The following ATP10B variants were observed in gnomAD, a reference collection of about 807,000 sequenced individuals.
The protein encoded by ATP10B is ATPase phospholipid transporting 10B (putative).
A neutral mutation model predicts 141.2 loss-of-function variants in ATP10B; 122 were observed. The observed-to-expected ratio is 0.86, with a 90% CI of 0.75 to 1.00. ATP10B has a LOEUF of 1.00. Among genes scored for constraint, ATP10B ranks in the 50% least tolerant of loss-of-function variants. The pLI, the probability that ATP10B is intolerant of heterozygous loss-of-function variation, is 0.00. For missense variants in ATP10B, 1,876 were observed against 1,825.3 expected, an observed-to-expected ratio of 1.03 and a Z score of -0.51; for synonymous variants, 685 against 692.0, an observed-to-expected ratio of 0.99 and a Z score of 0.16.
At chr5:160,647,962 G>C (rs1050097120) in intron 8 of ATP10B, among the ~76,000 whole-genome samples, 1 of 152,160 alleles carries the variant, frequency 6.6e-6, no homozygotes, top group Non-Finnish European at 1.5e-5. Context: ...GCATTTCAGG[G>C]AGCTGCAGGC....
intron 3 of ATP10B, among the ~76,000 whole-genome samples, chr5:160,692,393 C>A (rs972289371): frequency 2.0e-5 from 3 of 152,104 alleles, no homozygotes; most frequent in Admixed American, 6.6e-5. Context: ...TTGAAGCTGT[C>A]CTCACAGGGC....
At chr5:160,785,487 T>C in intron 2 of ATP10B, 72 bp downstream of exon 2, 1 of 404,702 alleles carries the variant, frequency 2.5e-6, no homozygotes, top group South Asian at 1.9e-5. Context: ...CAAGTTTATT[T>C]CATGGGTATA....
At chr5:160,814,911 A>C (rs1215442073) in intron 1 of ATP10B, among the ~76,000 whole-genome samples, 2 of 152,168 alleles carry the variant, frequency 1.3e-5, no homozygotes, top group Non-Finnish European at 2.9e-5. Context: ...GGAGAAATAA[A>C]ATCCTTTACA....
chr5:160,719,718 T>C (rs765225646), intron 2 of ATP10B, among the ~76,000 whole-genome samples: 2 of 152,206 alleles, frequency 1.3e-5, no homozygotes, highest in African/African-American at 4.8e-5. Context: ...AATATGGCCA[T>C]TATTTCGTCC....
At chr5:160,878,070 G>T in the ATP10B span, among the ~76,000 whole-genome samples, 1 of 151,438 alleles carries the variant, frequency 6.6e-6, no homozygotes, top group Admixed American at 6.6e-5. Context: ...AGCCCACATT[G>T]CCAAGTCAAT....
intron 1 of ATP10B, among the ~76,000 whole-genome samples, chr5:160,835,789 T>A (rs1219537724): frequency 6.6e-6 from 1 of 152,286 alleles, no homozygotes; most frequent in Admixed American, 6.5e-5. Flanking sequence ...GTTAGAAATA[T>A]ACAAAAACAG....
chr5:160,721,717 G>A (rs537200685), intron 2 of ATP10B, among the ~76,000 whole-genome samples: 2 of 152,146 alleles, frequency 1.3e-5, no homozygotes, highest in African/African-American at 4.8e-5. Flanking sequence ...CAGAACAGAT[G>A]GCTAAAAAGA....
chr5:160,812,592 G>C (rs1335341042), intron 1 of ATP10B, among the ~76,000 whole-genome samples: 1 of 152,116 alleles, frequency 6.6e-6, no homozygotes, highest in Admixed American at 6.5e-5. Flanking sequence ...TTCTGGAGTT[G>C]AAAAATGCAA....
At chr5:160,692,597 C>CT (rs1278028178) in intron 3 of ATP10B, 2 of 152,154 alleles carry the variant, frequency 1.3e-5, no homozygotes, top group African/African-American at 4.8e-5. Flanking sequence ...AATCATAAAG[C>CT]TTTTGTTTAA....
chr5:160,640,701 C>A, intron 9 of ATP10B, 109 bp from the exon 10 acceptor site: 1 of 1,428,858 alleles, frequency 7.0e-7, no homozygotes. Context: ...AGGCTTCACT[C>A]TTTAACCTGA....
chr5:160,787,652 G>T (rs1771269491), intron 1 of ATP10B, among the ~76,000 whole-genome samples: 1 of 152,156 alleles, frequency 6.6e-6, no homozygotes, highest in African/African-American at 2.4e-5. Context: ...TGAAAGTAAA[G>T]CTTCCGTGTC....
chr5:160,896,012 C>T, the ATP10B span, among the ~76,000 whole-genome samples: 1 of 151,954 alleles, frequency 6.6e-6, no homozygotes, highest in Non-Finnish European at 1.5e-5. Context: ...AACAAAGACA[C>T]TACATACTGG....
chr5:160,862,148 G>T, the ATP10B span, among the ~76,000 whole-genome samples: 1 of 151,912 alleles, frequency 6.6e-6, no homozygotes, highest in Admixed American at 6.6e-5. Context: ...ACTTAGCTAG[G>T]CTACAGTCAT....
intron 2 of ATP10B, among the ~76,000 whole-genome samples, chr5:160,777,485 T>C (rs918779343): frequency 6.6e-6 from 1 of 152,208 alleles, no homozygotes. Flanking sequence ...TCTCTAGTCT[T>C]CCAGCAAAGT....
At chr5:160,750,982 C>T (rs2127822654) in intron 2 of ATP10B, among the ~76,000 whole-genome samples, 1 of 152,342 alleles carries the variant, frequency 6.6e-6, no homozygotes, top group East Asian at 1.9e-4. Context: ...AATCTGCCTT[C>T]CACCCATCCC....
Position 160,726,890 on chromosome 5 carries a change from A to G in ATP10B, c.-330-9856T>C, listed in dbSNP as rs528194303. ...TTTGGAAAGACTTATCAGAAACTCA[A>G]AAGAGTGCAACCATTTGTCTCTCAC... On this transcript the variant is annotated intron_variant, in intron 2 of 25. Transcript: ENST00000327245. Among the ~76,000 whole-genome samples the G allele has an allele frequency of 1.4e-4, 22 of 152,106 alleles. No individual in the cohort carries two copies. The South Asian group carries it at 4.0e-3, about 27-fold the overall frequency.
chr5:160,592,339 G>A (rs1756365700), intron 22 of ATP10B, among the ~76,000 whole-genome samples: 1 of 152,154 alleles, frequency 6.6e-6, no homozygotes, highest in Admixed American at 6.5e-5. Context: ...GGAGGGGATG[G>A]CTGAAAGGTA....
chr5:160,590,990 G>T, intron 23 of ATP10B, 69 bp downstream of exon 23: 2 of 1,363,292 alleles, frequency 1.5e-6, no homozygotes, highest in South Asian at 2.4e-5. Context: ...TACTGGTCTG[G>T]AACTTTATAT....
Position 160,620,474 on chromosome 5 carries a change from G to A in ATP10B, c.2289C>T (p.Thr763=), listed in dbSNP as rs1429047564. ...TCTTCCTGACAGAGTCAAAGCCCAGGGTGCAGAGGAGGCTGAAGGTGAGGC... is the reference window on the plus strand; with the variant it reads ...TCTTCCTGACAGAGTCAAAGCCCAGAGTGCAGAGGAGGCTGAAGGTGAGGC... The part of the protein sequence containing the change: ...GTCLTFSLLC[T]LGFDSVRKRM... Residue 763 remains threonine, a synonymous_variant, in exon 15 of 26, where the codon ACC becomes ACT. Coordinates refer to ENST00000327245, the MANE Select transcript of ATP10B (RefSeq NM_025153.3). 5.0e-6 allele frequency: 8 copies of A among 1,614,206 alleles called. No individual in the cohort carries two copies. The highest frequency in any genetic ancestry group is 1.3e-5 in the African/African-American group (1 of 75,064).
Sources: allele counts gnomAD v4.1 joint callset (sites outside exome capture counted in the v4.1 genomes callset), GRCh38; gene constraint gnomAD v4.1.1; transcripts MANE v1.5; gene names NCBI Gene and HGNC (gene_info 2026-07-23, HGNC 2026-07-21).